The following MECOM variants were observed in gnomAD, a reference collection of about 807,000 sequenced individuals.
The protein encoded by MECOM is MDS1 and EVI1 complex locus, also known as histone-lysine N-methyltransferase MECOM.
A neutral mutation model predicts 116.3 loss-of-function variants in MECOM; 13 were observed. That is an observed-to-expected ratio of 0.11 (90% CI 0.07 to 0.18). MECOM has a LOEUF of 0.18. Ranked by LOEUF, MECOM falls within the 10% of genes least tolerant of loss-of-function variation. The pLI, the probability that MECOM is intolerant of heterozygous loss-of-function variation, is 1.00. For synonymous variants in MECOM, 528 were observed against 535.2 expected (o/e 0.99, Z 0.19); for missense variants, 1,299 against 1,509.0 (o/e 0.86, Z 2.31).
intron 2 of MECOM, among the ~76,000 whole-genome samples, chr3:169,372,199 G>A (rs1477082100): frequency 2.0e-5 from 3 of 152,036 alleles, no homozygotes; most frequent in Non-Finnish European, 4.4e-5. Context: ...TAAGTTCACA[G>A]CCAATATTTT....
chr3:169,349,075 CT>C (rs1394665402), intron 2 of MECOM, among the ~76,000 whole-genome samples: 10 of 151,202 alleles, frequency 6.6e-5, no homozygotes, highest in Admixed American at 3.3e-4. Flanking sequence ...TCATCCTCCC[CT>C]TTCCCCCCTC....
intron 1 of MECOM, among the ~76,000 whole-genome samples, chr3:169,452,934 C>T (rs1745846900): frequency 6.6e-6 from 1 of 152,212 alleles, no homozygotes; most frequent in South Asian, 2.1e-4. Flanking sequence ...TCCCTAATCA[C>T]TTCTTGCATA....
intron 2 of MECOM, among the ~76,000 whole-genome samples, chr3:169,268,006 C>G (rs1217496554): frequency 6.6e-6 from 1 of 152,058 alleles, no homozygotes; most frequent in Non-Finnish European, 1.5e-5. Flanking sequence ...AAATAAGCAC[C>G]ACACAACCAA....
intron 1 of MECOM, among the ~76,000 whole-genome samples, chr3:169,510,868 CCT>C (rs1482681502): frequency 1.3e-5 from 2 of 152,128 alleles, no homozygotes; most frequent in Non-Finnish European, 2.9e-5. Flanking sequence ...TCTTAAATCC[CCT>C]GAGGGCAGAC....
At chr3:169,388,862 C>T (rs187611386) in intron 1 of MECOM, among the ~76,000 whole-genome samples, 5 of 152,270 alleles carry the variant, frequency 3.3e-5, no homozygotes, top group Non-Finnish European at 7.4e-5. Flanking sequence ...TAGTACCATG[C>T]TATTCCATGT....
chr3:169,451,676 G>C (rs950961551), intron 1 of MECOM, among the ~76,000 whole-genome samples: 1 of 152,096 alleles, frequency 6.6e-6, no homozygotes, highest in African/African-American at 2.4e-5. Flanking sequence ...CTACACTTTA[G>C]AGAGATGTCT....
At position 169,107,925 on chromosome 3, in the gene MECOM, C is replaced by T. The variant is rs374274832; in HGVS notation, c.2604+1G>A. ...GTCAAAAATATAAGTAGGAAACTTA[C>T]CCAAGTTCTCTGATCAGGCAGTTGG... On this transcript the variant is annotated splice_donor_variant, in intron 10 of 16. Coordinates refer to ENST00000651503, the MANE Select transcript of MECOM (RefSeq NM_004991.4). LOFTEE classifies it high-confidence loss of function. 5.0e-6 allele frequency: 8 copies of T among 1,611,746 alleles called. No individual in the cohort carries two copies. The highest frequency in any genetic ancestry group is 6.8e-6 in the Non-Finnish European group (8 of 1,178,942).
intron 1 of MECOM, among the ~76,000 whole-genome samples, chr3:169,552,349 C>A (rs1336178461): frequency 6.6e-6 from 1 of 151,636 alleles, no homozygotes; most frequent in African/African-American, 2.4e-5. Context: ...AATTCTTATA[C>A]CTACAAAAGC....
intron 1 of MECOM, among the ~76,000 whole-genome samples, chr3:169,436,414 C>CT (rs772395089): frequency 5.3e-5 from 8 of 151,976 alleles, no homozygotes; most frequent in Admixed American, 1.3e-4. Context: ...CCACGCCTGG[C>CT]TAATTTTGTA....
intron 1 of MECOM, among the ~76,000 whole-genome samples, chr3:169,592,995 C>T (rs1766616266): frequency 6.6e-6 from 1 of 152,010 alleles, no homozygotes; most frequent in African/African-American, 2.4e-5. Flanking sequence ...GATACATATG[C>T]CTTCATTTAT....
In MECOM at chr3:169,509,783, C is replaced by T. The variant is rs561840212; in HGVS notation, c.38-128259G>A. 2.6e-5 allele frequency among the ~76,000 whole-genome samples: 4 copies of T among 152,368 alleles called. No individual in the cohort carries two copies. In the East Asian group the frequency reaches 7.7e-4, roughly 29 times the overall value. Reference sequence around the variant, plus strand: ...TGCCAATGGGCATTTAGGTTGTTTGCACCTTTCGACCATTGTGAATCGTGC... The same window carrying T: ...TGCCAATGGGCATTTAGGTTGTTTGTACCTTTCGACCATTGTGAATCGTGC... On this transcript the variant is annotated intron_variant, in intron 1 of 16. Coordinates refer to ENST00000651503, the MANE Select transcript of MECOM (RefSeq NM_004991.4).
intron 2 of MECOM, among the ~76,000 whole-genome samples, chr3:169,379,126 T>C (rs1731962452): frequency 6.6e-6 from 1 of 151,594 alleles, no homozygotes; most frequent in South Asian, 2.1e-4. Flanking sequence ...CTAATCATGA[T>C]TGGGTTTTGT....
chr3:169,100,233 G>A, intron 12 of MECOM, among the ~76,000 whole-genome samples: 1 of 151,248 alleles, frequency 6.6e-6, no homozygotes, highest in Admixed American at 6.6e-5. Flanking sequence ...CAAGTAGCTG[G>A]GACTACAGGT....
At chr3:169,208,339 G>A (rs1249270799) in intron 2 of MECOM, among the ~76,000 whole-genome samples, 3 of 148,282 alleles carry the variant, frequency 2.0e-5, no homozygotes, top group African/African-American at 7.4e-5. Context: ...ATAATGTATA[G>A]CAAAAGATTT....
At chr3:169,148,179 T>C (rs1461854138) in intron 2 of MECOM, among the ~76,000 whole-genome samples, 3 of 152,110 alleles carry the variant, frequency 2.0e-5, no homozygotes, top group African/African-American at 7.2e-5. Context: ...AAACAGCATA[T>C]TATGGGTTTA....
At chr3:169,529,047 A>T (rs974601041) in intron 1 of MECOM, among the ~76,000 whole-genome samples, 8 of 152,292 alleles carry the variant, frequency 5.3e-5, no homozygotes, top group Admixed American at 2.0e-4. Context: ...ACAGTTTTTT[A>T]AAAAAGGGAG....
At chr3:169,535,269 T>A (rs1759209502) in intron 1 of MECOM, among the ~76,000 whole-genome samples, 1 of 152,012 alleles carries the variant, frequency 6.6e-6, no homozygotes, top group Admixed American at 6.6e-5. Flanking sequence ...TCAAAATCAA[T>A]CCTCTTGACC....
chr3:169,395,076 T>A (rs1734821257), intron 1 of MECOM, among the ~76,000 whole-genome samples: 1 of 152,148 alleles, frequency 6.6e-6, no homozygotes, highest in African/African-American at 2.4e-5. Context: ...AATAAACAAC[T>A]GCAACAAAGT....
chr3:169,647,298 C>A (rs1455753166), intron 1 of MECOM, among the ~76,000 whole-genome samples: 1 of 152,196 alleles, frequency 6.6e-6, no homozygotes, highest in Admixed American at 6.5e-5. Flanking sequence ...TAATATCATC[C>A]ACCTCATAGA....
Sources: allele counts gnomAD v4.1 joint callset (sites outside exome capture counted in the v4.1 genomes callset), GRCh38; gene constraint gnomAD v4.1.1; transcripts MANE v1.5; gene names NCBI Gene and HGNC (gene_info 2026-07-23, HGNC 2026-07-21).